The following TRPM3 variants were observed in gnomAD, a reference collection of about 807,000 sequenced individuals.
TRPM3 encodes the protein long transient receptor potential channel 3.
TRPM3 carries 77 observed loss-of-function variants against 181.2 expected under a neutral mutation model. The observed-to-expected ratio is 0.42, with a 90% CI of 0.35 to 0.51. TRPM3 has a LOEUF of 0.51. Among genes scored for constraint, TRPM3 ranks in the 20% least tolerant of loss-of-function variants. The pLI is 0.01. For missense variants in TRPM3, 1,759 were observed against 2,196.7 expected, an observed-to-expected ratio of 0.80 and a Z score of 3.98; for synonymous variants, 745 against 796.4, an observed-to-expected ratio of 0.94 and a Z score of 1.09.
At chr9:70,740,922 G>GC (rs1315356449) in intron 8 of TRPM3, among the ~76,000 whole-genome samples, 7 of 152,082 alleles carry the variant, frequency 4.6e-5, no homozygotes, top group African/African-American at 1.7e-4. Flanking sequence ...TTCACGACAA[G>GC]AACACGAAAG....
intron 1 of TRPM3, among the ~76,000 whole-genome samples, chr9:71,255,316 A>G (rs1178004815): frequency 6.6e-6 from 1 of 152,196 alleles, no homozygotes. Flanking sequence ...TCCTGTACTA[A>G]GAAACAAAAG....
intron 1 of TRPM3, among the ~76,000 whole-genome samples, chr9:71,220,107 A>C (rs183470270): frequency 6.6e-6 from 1 of 152,272 alleles, no homozygotes; most frequent in East Asian, 1.9e-4. Flanking sequence ...TGTATAATAA[A>C]ATGTTCCCTT....
At chr9:71,289,880 A>T in intron 1 of TRPM3, among the ~76,000 whole-genome samples, 1 of 129,562 alleles carries the variant, frequency 7.7e-6, no homozygotes, top group African/African-American at 4.2e-5. Flanking sequence ...TGTCTCAAAA[A>T]AAAAAAAAAA....
intron 2 of TRPM3, 41 bp from the exon 3 acceptor site, chr9:70,863,153 A>G (rs966503568): frequency 1.3e-6 from 2 of 1,572,766 alleles, no homozygotes; most frequent in African/African-American, 2.7e-5. Context: ...GGTATTAGTC[A>G]CTATTGGGAT....
chr9:70,593,131 T>A (rs2058421428), intron 21 of TRPM3, among the ~76,000 whole-genome samples: 1 of 152,214 alleles, frequency 6.6e-6, no homozygotes, highest in South Asian at 2.1e-4. Flanking sequence ...CAAGGCAACT[T>A]CAAAATGCAT....
intron 19 of TRPM3, among the ~76,000 whole-genome samples, chr9:70,607,305 G>A (rs1404950146): frequency 6.6e-6 from 1 of 152,164 alleles, no homozygotes; most frequent in African/African-American, 2.4e-5. Flanking sequence ...AAAGCACATG[G>A]GACCTTCAAT....
At chr9:70,934,380 T>TCA (rs1161345689) in intron 1 of TRPM3, among the ~76,000 whole-genome samples, 2 of 152,234 alleles carry the variant, frequency 1.3e-5, no homozygotes, top group East Asian at 3.9e-4. Flanking sequence ...GACTGTTATG[T>TCA]GGTAAAACCT....
chr9:70,782,332 C>G (rs1430585206), intron 7 of TRPM3, among the ~76,000 whole-genome samples: 4 of 152,062 alleles, frequency 2.6e-5, no homozygotes, highest in Non-Finnish European at 4.4e-5. Flanking sequence ...CTGCCTCAGC[C>G]TCCCAAGTAG....
chr9:70,545,285 A>C (rs2044540247), intron 25 of TRPM3, among the ~76,000 whole-genome samples: 1 of 152,184 alleles, frequency 6.6e-6, no homozygotes, highest in South Asian at 2.1e-4. Flanking sequence ...AAAGTAAATG[A>C]ATGGATAAAG....
At chr9:71,375,023 T>C (rs2092629742) in intron 1 of TRPM3, among the ~76,000 whole-genome samples, 1 of 152,092 alleles carries the variant, frequency 6.6e-6, no homozygotes, top group African/African-American at 2.4e-5. Flanking sequence ...CTGCCCAAAG[T>C]AATATATAGA....
intron 3 of TRPM3, among the ~76,000 whole-genome samples, chr9:70,859,073 C>T (rs549800664): frequency 1.3e-5 from 2 of 152,266 alleles, no homozygotes; most frequent in African/African-American, 4.8e-5. Context: ...AGCCATGTCC[C>T]AGTGTAAAGG....
chr9:70,653,139 G>A (rs1307135609), intron 9 of TRPM3, among the ~76,000 whole-genome samples: 1 of 152,152 alleles, frequency 6.6e-6, no homozygotes, highest in East Asian at 1.9e-4. Flanking sequence ...GAGGATTTGG[G>A]TTTAGCCAAG....
At chr9:71,308,710 G>A (rs552285276) in intron 1 of TRPM3, among the ~76,000 whole-genome samples, 194 of 152,146 alleles carry the variant, frequency 1.3e-3, no homozygotes, top group Non-Finnish European at 2.2e-3. Context: ...TTCAAAAATG[G>A]ACGATGAAAC....
At position 70,600,594 on chromosome 9, in the gene TRPM3, G is replaced by A. The variant is rs535171998; in HGVS notation, c.2797-1924C>T. On this transcript the variant is annotated intron_variant, in intron 20 of 25. Coordinates refer to ENST00000677713, the MANE Select transcript of TRPM3 (RefSeq NM_001366145.2). Reference sequence around the variant, plus strand: ...ATAGATGCTGGGCCCTCAGTCTGGAGTTTCTGCTTCAGGAGGCTGGGGGTG... The same window carrying A: ...ATAGATGCTGGGCCCTCAGTCTGGAATTTCTGCTTCAGGAGGCTGGGGGTG... Among the ~76,000 whole-genome samples, 5 of 152,288 alleles carry A rather than the reference G, an allele frequency of 3.3e-5. No individual in the cohort carries two copies. In the South Asian group the frequency reaches 1.0e-3, roughly 32 times the overall value.
chr9:70,686,435 A>T lies in TRPM3; in HGVS notation c.1273-4857T>A, dbSNP rs148852613. Among the ~76,000 whole-genome samples, 607 of 152,042 alleles carry T rather than the reference A, an allele frequency of 4.0e-3. 4 individuals are homozygous for T. Among genetic ancestry groups the T allele is most frequent in the Non-Finnish European group, 6.9e-3 (469 of 67,970 alleles). On this transcript the variant is annotated intron_variant, in intron 8 of 25. Coordinates refer to ENST00000677713, the MANE Select transcript of TRPM3 (RefSeq NM_001366145.2). ...TATGGAATTTCTTGGCCTATTAGCT[A>T]CTCTGAGGGGAGTTCTTTAATTTAT...
At position 70,846,926 on chromosome 9, in the gene TRPM3, A is replaced by C. The variant is rs765760594; in HGVS notation, c.463-335T>G. 4.3e-4 allele frequency among the ~76,000 whole-genome samples: 65 copies of C among 152,176 alleles called. 1 individual carries two copies. Among genetic ancestry groups the C allele is most frequent in the Non-Finnish European group, 1.8e-4 (12 of 68,036 alleles). On this transcript the variant is annotated intron_variant, in intron 3 of 25. Transcript: ENST00000677713. Reference sequence around the variant, plus strand: ...CCCTTTACATGTGTACAACAGTTCAAATGTTTCTAATATTTTTCATATCTC... The same window carrying C: ...CCCTTTACATGTGTACAACAGTTCACATGTTTCTAATATTTTTCATATCTC...
intron 21 of TRPM3, 51 bp from the exon 22 acceptor site, chr9:70,591,256 G>C: frequency 6.6e-7 from 1 of 1,513,804 alleles, no homozygotes; most frequent in Non-Finnish European, 9.2e-7. Context: ...CCATATGATT[G>C]AGTGTTCTTA....
At chr9:70,889,471 C>T (rs2096157061) in intron 1 of TRPM3, among the ~76,000 whole-genome samples, 1 of 152,176 alleles carries the variant, frequency 6.6e-6, no homozygotes, top group Non-Finnish European at 1.5e-5. Context: ...GTCAGTTTGG[C>T]TCTATGTCCT....
intron 1 of TRPM3, among the ~76,000 whole-genome samples, chr9:71,224,027 A>G (rs2080414780): frequency 6.6e-6 from 1 of 152,190 alleles, no homozygotes; most frequent in Non-Finnish European, 1.5e-5. Context: ...GCAGAGTCCT[A>G]GGGCTTTAAG....
Sources: allele counts gnomAD v4.1 joint callset (sites outside exome capture counted in the v4.1 genomes callset), GRCh38; gene constraint gnomAD v4.1.1; transcripts MANE v1.5; gene names NCBI Gene and HGNC (gene_info 2026-07-23, HGNC 2026-07-21).